DOCK7: variants seen among roughly 807,000 people sequenced by gnomAD.
The protein encoded by DOCK7 is dedicator of cytokinesis 7.
In DOCK7, 138 loss-of-function variants were observed where a neutral mutation model predicts 271.0. The ratio of observed to expected loss-of-function variants is 0.51; its 90% CI spans 0.44 to 0.59. The LOEUF (loss-of-function observed/expected upper bound fraction) is 0.59. DOCK7 is among the 20% of genes least tolerant of loss of function. The pLI, the probability that DOCK7 is intolerant of heterozygous loss-of-function variation, is 0.00. For missense variants in DOCK7, 2,066 were observed against 2,592.4 expected (o/e 0.80, Z 4.41); for synonymous variants, 823 against 876.1 (o/e 0.94, Z 1.07).
intron 22 of DOCK7, among the ~76,000 whole-genome samples, chr1:62,547,315 C>T (rs1292435707): frequency 6.6e-6 from 1 of 152,172 alleles, no homozygotes; most frequent in African/African-American, 2.4e-5. Flanking sequence ...TTTAAGCAAA[C>T]TCATCACTTA....
chr1:62,639,203 G>T (rs994359860), intron 7 of DOCK7, among the ~76,000 whole-genome samples: 1 of 151,860 alleles, frequency 6.6e-6, no homozygotes, highest in African/African-American at 2.4e-5. Context: ...TTGGCCCTTT[G>T]TATTTTCATA....
intron 33 of DOCK7, among the ~76,000 whole-genome samples, chr1:62,511,737 C>G (rs1397003645): frequency 6.6e-6 from 1 of 151,722 alleles, no homozygotes; most frequent in African/African-American, 2.4e-5. Flanking sequence ...ATTCTGAAAT[C>G]CATGTCTTTA....
chr1:62,630,007 G>A (rs967606928), intron 11 of DOCK7, among the ~76,000 whole-genome samples: 4 of 152,186 alleles, frequency 2.6e-5, no homozygotes, highest in African/African-American at 4.8e-5. Context: ...TTCCAGCAGC[G>A]CATGAAAGAA....
At chr1:62,657,566 T>C (rs1394079490) in intron 2 of DOCK7, among the ~76,000 whole-genome samples, 1 of 152,208 alleles carries the variant, frequency 6.6e-6, no homozygotes, top group Admixed American at 6.5e-5. Flanking sequence ...AACTTATAGA[T>C]GTTAATACCA....
At chr1:62,641,281 G>T in intron 7 of DOCK7, 1 of 419,246 alleles carries the variant, frequency 2.4e-6, no homozygotes. Flanking sequence ...TCACTGCCTG[G>T]TACTTCCAGC....
At chr1:62,550,160 G>T (rs756277247) in intron 22 of DOCK7, among the ~76,000 whole-genome samples, 1 of 152,180 alleles carries the variant, frequency 6.6e-6, no homozygotes, top group Non-Finnish European at 1.5e-5. Flanking sequence ...GAATGGGAAT[G>T]ATTCAGTATT....
At chr1:62,550,355 T>C (rs1645855950) in intron 22 of DOCK7, among the ~76,000 whole-genome samples, 1 of 152,170 alleles carries the variant, frequency 6.6e-6, no homozygotes, top group African/African-American at 2.4e-5. Flanking sequence ...GGTAGCTAGA[T>C]AGCATGGTAA....
chr1:62,543,086 AGG>A (rs1247397899), intron 24 of DOCK7, among the ~76,000 whole-genome samples: 2 of 152,216 alleles, frequency 1.3e-5, no homozygotes, highest in Non-Finnish European at 1.5e-5. Flanking sequence ...GGTACAATTT[AGG>A]AAATACATTT....
intron 17 of DOCK7, among the ~76,000 whole-genome samples, chr1:62,577,742 T>C (rs1214119494): frequency 6.6e-6 from 1 of 152,186 alleles, no homozygotes; most frequent in Non-Finnish European, 1.5e-5. Flanking sequence ...AAAAGTATGA[T>C]CATAAATTTA....
intron 14 of DOCK7, among the ~76,000 whole-genome samples, chr1:62,590,406 G>A (rs913273974): frequency 2.8e-4 from 42 of 152,134 alleles, no homozygotes; most frequent in African/African-American, 9.4e-4. Context: ...GATTCCTGAG[G>A]CGATGGTGGG....
At chr1:62,546,151 A>G (rs947679760) in intron 22 of DOCK7, among the ~76,000 whole-genome samples, 1 of 152,168 alleles carries the variant, frequency 6.6e-6, no homozygotes, top group South Asian at 2.1e-4. Context: ...CTGTCTAGAT[A>G]TTAGTGTCAT....
intron 21 of DOCK7, among the ~76,000 whole-genome samples, chr1:62,554,378 AG>A (rs1229791756): frequency 2.0e-5 from 3 of 148,176 alleles, no homozygotes; most frequent in South Asian, 2.2e-4. Flanking sequence ...AGGCTGAGGC[AG>A]GAGAATGGCG....
At chr1:62,658,439 G>A (rs1436509146) in intron 2 of DOCK7, among the ~76,000 whole-genome samples, 2 of 152,064 alleles carry the variant, frequency 1.3e-5, no homozygotes, top group African/African-American at 2.4e-5. Context: ...CAGTCTGGGG[G>A]ACAGAGCGAG....
At chr1:62,471,688 G>C (rs984009093) in intron 48 of DOCK7, among the ~76,000 whole-genome samples, 4 of 152,128 alleles carry the variant, frequency 2.6e-5, no homozygotes, top group African/African-American at 9.7e-5. Flanking sequence ...CTGTGCCTCA[G>C]TCATCTCATG....
intron 1 of DOCK7, among the ~76,000 whole-genome samples, chr1:62,676,897 C>G (rs1279688467): frequency 6.6e-6 from 1 of 152,142 alleles, no homozygotes; most frequent in East Asian, 1.9e-4. Flanking sequence ...TGAGTTGGTA[C>G]TAAGATCTAG....
intron 35 of DOCK7, among the ~76,000 whole-genome samples, chr1:62,507,193 G>A (rs1302906017): frequency 1.3e-5 from 2 of 152,202 alleles, no homozygotes; most frequent in Admixed American, 6.5e-5. Context: ...GAAGTAGGTG[G>A]CCATTGTAAT....
At chr1:62,635,204 AC>A (rs1655111445) in intron 8 of DOCK7, 1 of 205,930 alleles carries the variant, frequency 4.9e-6, no homozygotes, top group East Asian at 1.1e-4. Flanking sequence ...TTTCACTGAG[AC>A]CAATCTTTAC....
chr1:62,589,799 G>A (rs11207996), intron 14 of DOCK7, among the ~76,000 whole-genome samples: 50,417 of 150,538 alleles, frequency 0.33, 8,587 homozygotes, highest in South Asian at 0.42. Flanking sequence ...ATTTAATGGC[G>A]TGAACCCGGT....
Position 62,634,848 on chromosome 1 carries a change from A to G in DOCK7, c.960T>C (p.Ala320=), listed in dbSNP as rs779816021. Residue 320 remains alanine (A), a synonymous_variant, in exon 9 of 50, where the codon GCT becomes GCC. Transcript: ENST00000635253. ...KGLLRPHVPP[A]AITTLARSAI... ...CTGATCTTGCCAGGGTAGTAATGGC[A>G]GCAGGTGGTACATGTGGACGTAACA... 1.2e-6 allele frequency: 2 copies of G among 1,613,300 alleles called. No individual in the cohort carries two copies. The highest frequency in any genetic ancestry group is 1.7e-5 in the Admixed American group (1 of 60,004).
Sources: gnomAD v4.1 joint callset for allele counts (sites outside exome capture counted in the v4.1 genomes callset) on GRCh38, gnomAD v4.1.1 for gene constraint, MANE v1.5 for transcripts, NCBI Gene and HGNC (gene_info 2026-07-23, HGNC 2026-07-21) for gene names.